Variants in COL8A1 observed in about 807,000 individuals in gnomAD.
The protein encoded by COL8A1 is collagen type VIII alpha 1 chain.
In COL8A1, 21 loss-of-function variants were observed where a neutral mutation model predicts 42.7. The ratio of observed to expected loss-of-function variants is 0.49; its 90% CI spans 0.35 to 0.71. The LOEUF is 0.71. COL8A1 is among the 30% of genes least tolerant of loss of function. The pLI, the probability that COL8A1 is intolerant of heterozygous loss-of-function variation, is 0.01. For synonymous variants in COL8A1, 367 were observed against 369.1 expected (o/e 0.99, Z 0.06); for missense variants, 788 against 962.4 (o/e 0.82, Z 2.40).
intron 2 of COL8A1, among the ~76,000 whole-genome samples, chr3:99,750,584 C>T (rs1941126964): frequency 6.6e-6 from 1 of 152,064 alleles, no homozygotes; most frequent in Non-Finnish European, 1.5e-5. Flanking sequence ...GAGTAAAATG[C>T]AAATTTTGCT....
intron 2 of COL8A1, among the ~76,000 whole-genome samples, chr3:99,790,285 C>T (rs1230873475): frequency 6.6e-6 from 1 of 152,150 alleles, no homozygotes; most frequent in Non-Finnish European, 1.5e-5. Context: ...AGGATTCTTC[C>T]TGGAAGGTAC....
chr3:99,724,715 A>C (rs1940254633), intron 1 of COL8A1, among the ~76,000 whole-genome samples: 1 of 152,068 alleles, frequency 6.6e-6, no homozygotes, highest in Non-Finnish European at 1.5e-5. Context: ...ATGCTTTTTC[A>C]TATCTAGGGT....
At chr3:99,724,724 G>C (rs1347667691) in intron 1 of COL8A1, among the ~76,000 whole-genome samples, 1 of 151,908 alleles carries the variant, frequency 6.6e-6, no homozygotes, top group Non-Finnish European at 1.5e-5. Flanking sequence ...CATATCTAGG[G>C]TCTTCAAAGT....
chr3:99,734,022 T>G (rs540900682), intron 1 of COL8A1, among the ~76,000 whole-genome samples: 1 of 152,252 alleles, frequency 6.6e-6, no homozygotes, highest in African/African-American at 2.4e-5. Flanking sequence ...TAAATTTGTT[T>G]GAGTTCATTG....
At chr3:99,686,456 G>A (rs781059061) in intron 1 of COL8A1, among the ~76,000 whole-genome samples, 1 of 152,162 alleles carries the variant, frequency 6.6e-6, no homozygotes, top group Non-Finnish European at 1.5e-5. Flanking sequence ...TGGGGAGAGG[G>A]TCTTATGAAA....
intron 2 of COL8A1, among the ~76,000 whole-genome samples, chr3:99,776,901 C>T (rs1941703778): frequency 6.6e-6 from 1 of 152,190 alleles, no homozygotes; most frequent in Admixed American, 6.5e-5. Flanking sequence ...CATTTGTAAA[C>T]TCATGGTGCT....
At position 99,668,625 on chromosome 3, in the gene COL8A1, A is replaced by G. The variant is rs1938436646; in HGVS notation, c.-129+29961A>G. Among the ~76,000 whole-genome samples the G allele has an allele frequency of 2.0e-5, 3 of 152,212 alleles. No homozygotes were observed. The South Asian group carries it at 6.2e-4, about 32-fold the overall frequency. ...CTGAGCTCTAATTAAGTCTAACTCTAATTTTTCACATTAAAAAAACCTGAC... is the reference window on the plus strand; with the variant it reads ...CTGAGCTCTAATTAAGTCTAACTCTGATTTTTCACATTAAAAAAACCTGAC... On this transcript the variant is annotated intron_variant, in intron 1 of 3. Coordinates refer to ENST00000652472, the MANE Select transcript of COL8A1 (RefSeq NM_020351.4).
intron 3 of COL8A1, among the ~76,000 whole-genome samples, chr3:99,792,093 C>T (rs1235728645): frequency 1.3e-5 from 2 of 152,196 alleles, no homozygotes; most frequent in African/African-American, 4.8e-5. Flanking sequence ...AATACAGTAA[C>T]TACACAATTC....
intron 1 of COL8A1, among the ~76,000 whole-genome samples, chr3:99,662,360 C>T (rs146444086): frequency 3.5e-5 from 5 of 143,172 alleles, no homozygotes; most frequent in South Asian, 2.3e-4. Context: ...CCAGCCTGGG[C>T]GACAGGGCGA....
At chr3:99,737,879 T>C (rs538344443) in intron 1 of COL8A1, among the ~76,000 whole-genome samples, 1 of 151,784 alleles carries the variant, frequency 6.6e-6, no homozygotes, top group Admixed American at 6.6e-5. Context: ...GACGTAGATT[T>C]GGTCTTTTCA....
chr3:99,722,629 A>T (rs529445539), intron 1 of COL8A1, among the ~76,000 whole-genome samples: 1 of 152,088 alleles, frequency 6.6e-6, no homozygotes, highest in Admixed American at 6.6e-5. Context: ...ATATTCATAG[A>T]ATTGTTGAGT....
intron 1 of COL8A1, among the ~76,000 whole-genome samples, chr3:99,704,585 C>A (rs1163792425): frequency 6.6e-6 from 1 of 152,090 alleles, no homozygotes; most frequent in Non-Finnish European, 1.5e-5. Context: ...GAGCAGCAGC[C>A]CCTGCTCTTT....
chr3:99,738,629 C>G (rs1418438701), intron 1 of COL8A1, among the ~76,000 whole-genome samples: 2 of 152,238 alleles, frequency 1.3e-5, no homozygotes, highest in African/African-American at 2.4e-5. Context: ...CTCTTTAAAG[C>G]TGTCAGACAG....
chr3:99,728,314 T>A (rs1416018578), intron 1 of COL8A1, among the ~76,000 whole-genome samples: 1 of 152,110 alleles, frequency 6.6e-6, no homozygotes, highest in East Asian at 1.9e-4. Flanking sequence ...TACCTGCTCG[T>A]TCTACCAAGA....
chr3:99,787,056 T>G (rs1424951611), intron 2 of COL8A1, among the ~76,000 whole-genome samples: 1 of 152,106 alleles, frequency 6.6e-6, no homozygotes, highest in African/African-American at 2.4e-5. Flanking sequence ...AGACATGCTG[T>G]GTTAGCCTAT....
chr3:99,768,326 C>A (rs1036606698), intron 2 of COL8A1, among the ~76,000 whole-genome samples: 1 of 152,176 alleles, frequency 6.6e-6, no homozygotes, highest in African/African-American at 2.4e-5. Context: ...GCAAATAGGA[C>A]TGTCAGATGG....
intron 1 of COL8A1, among the ~76,000 whole-genome samples, chr3:99,645,498 C>T (rs1440895260): frequency 6.6e-6 from 1 of 152,024 alleles, no homozygotes; most frequent in Non-Finnish European, 1.5e-5. Context: ...AATTACAATC[C>T]CCTGCTGCCC....
intron 1 of COL8A1, among the ~76,000 whole-genome samples, chr3:99,718,298 G>A (rs1181739637): frequency 6.6e-6 from 1 of 151,992 alleles, no homozygotes; most frequent in East Asian, 1.9e-4. Flanking sequence ...CCAAATTGTT[G>A]TGGAGCAGAA....
intron 1 of COL8A1, among the ~76,000 whole-genome samples, chr3:99,656,399 A>G (rs1938023347): frequency 6.6e-6 from 1 of 152,032 alleles, no homozygotes; most frequent in African/African-American, 2.4e-5. Flanking sequence ...TAAAATCCCA[A>G]ACCTTAAGTT....
Sources: gnomAD v4.1 joint callset for allele counts (sites outside exome capture counted in the v4.1 genomes callset) on GRCh38, gnomAD v4.1.1 for gene constraint, MANE v1.5 for transcripts, NCBI Gene and HGNC (gene_info 2026-07-23, HGNC 2026-07-21) for gene names.